NRXN1: variants seen among roughly 807,000 people sequenced by gnomAD.
The protein encoded by NRXN1 is neurexin-1.
In NRXN1, 39 loss-of-function variants were observed where a neutral mutation model predicts 150.9. That is an observed-to-expected ratio of 0.26 (90% CI 0.20 to 0.34). The LOEUF (loss-of-function observed/expected upper bound fraction) is 0.34. NRXN1 is among the 10% of genes least tolerant of loss of function. The pLI is 1.00. For synonymous variants in NRXN1, 924 were observed against 757.0 expected (o/e 1.22, Z -3.62); for missense variants, 1,815 against 1,949.9 (o/e 0.93, Z 1.30).
intron 17 of NRXN1, among the ~76,000 whole-genome samples, chr2:50,428,620 C>T (rs911895102): frequency 1.6e-4 from 25 of 152,050 alleles, no homozygotes; most frequent in African/African-American, 5.6e-4. Context: ...AGAGGCGGGA[C>T]GGGGAAGTGG....
At chr2:50,713,082 G>A (rs1695393873) in intron 5 of NRXN1, among the ~76,000 whole-genome samples, 1 of 152,066 alleles carries the variant, frequency 6.6e-6, no homozygotes, top group Non-Finnish European at 1.5e-5. Flanking sequence ...AAAGGCCAAG[G>A]CAGGAAGATC....
intron 17 of NRXN1, among the ~76,000 whole-genome samples, chr2:50,423,859 G>C (rs894439191): frequency 4.1e-4 from 62 of 152,246 alleles, no homozygotes; most frequent in Middle Eastern, 3.4e-3. Flanking sequence ...AAATATGAGA[G>C]GGAGCCAGCC....
At chr2:50,802,469 G>A (rs1269227677) in intron 5 of NRXN1, among the ~76,000 whole-genome samples, 1 of 144,324 alleles carries the variant, frequency 6.9e-6, no homozygotes, top group Non-Finnish European at 1.5e-5. Context: ...TCCAGCCTGG[G>A]CAACAAGAGT....
chr2:50,566,638 T>G (rs1669915176), intron 8 of NRXN1, among the ~76,000 whole-genome samples: 1 of 152,118 alleles, frequency 6.6e-6, no homozygotes, highest in Non-Finnish European at 1.5e-5. Flanking sequence ...AACAACAAAC[T>G]TCTACGTCTC....
chr2:50,240,158 T>C (rs1169709380), intron 17 of NRXN1, among the ~76,000 whole-genome samples: 1 of 151,700 alleles, frequency 6.6e-6, no homozygotes, highest in East Asian at 1.9e-4. Flanking sequence ...AGCTAATCTG[T>C]CTTGTTTAGA....
chr2:50,361,334 T>C (rs2079171201), intron 17 of NRXN1, among the ~76,000 whole-genome samples: 1 of 152,012 alleles, frequency 6.6e-6, no homozygotes, highest in Non-Finnish European at 1.5e-5. Flanking sequence ...AGGTGTTTTT[T>C]GAAAAGATCA....
At chr2:50,002,294 G>C (rs1175760983) in intron 21 of NRXN1, among the ~76,000 whole-genome samples, 1 of 152,102 alleles carries the variant, frequency 6.6e-6, no homozygotes, top group African/African-American at 2.4e-5. Flanking sequence ...AGAAAAGAAA[G>C]GGAGGAAACG....
chr2:50,166,721 G>T (rs1335743392), intron 18 of NRXN1, among the ~76,000 whole-genome samples: 1 of 152,110 alleles, frequency 6.6e-6, no homozygotes, highest in Non-Finnish European at 1.5e-5. Context: ...TTGATTGAAT[G>T]TTCATGAAGC....
intron 17 of NRXN1, among the ~76,000 whole-genome samples, chr2:50,378,691 A>G (rs1448663138): frequency 6.6e-6 from 1 of 152,168 alleles, no homozygotes; most frequent in Non-Finnish European, 1.5e-5. Flanking sequence ...GGAGAAATAT[A>G]CAGCAATAAA....
chr2:49,944,896 TGAGCACCTAATATTAAAG>T (rs769389559), intron 21 of NRXN1, among the ~76,000 whole-genome samples: 9 of 152,160 alleles, frequency 5.9e-5, no homozygotes, highest in South Asian at 2.1e-4. Context: ...AAATACGATA[TGAGCACCTAATATTAAAG>T]GAGCACCTAA....
At chr2:50,451,084 A>G (rs1038470080) in intron 17 of NRXN1, among the ~76,000 whole-genome samples, 13 of 152,140 alleles carry the variant, frequency 8.5e-5, no homozygotes. Flanking sequence ...CTTCTACTTC[A>G]GCCTCCTAGG....
chr2:50,209,829 A>T (rs987430580), intron 18 of NRXN1, among the ~76,000 whole-genome samples: 4 of 152,016 alleles, frequency 2.6e-5, no homozygotes, highest in African/African-American at 9.7e-5. Flanking sequence ...AATGTCATAG[A>T]TTTAAATCTC....
At chr2:50,985,283 A>G (rs999607897) in intron 2 of NRXN1, 1 of 151,988 alleles carries the variant, frequency 6.6e-6, no homozygotes, top group Non-Finnish European at 1.5e-5. Flanking sequence ...ATACATTTAA[A>G]AAGGATCACC....
At chr2:50,842,511 A>G (rs1267149192) in intron 5 of NRXN1, among the ~76,000 whole-genome samples, 6 of 152,188 alleles carry the variant, frequency 3.9e-5, no homozygotes, top group Non-Finnish European at 8.8e-5. Context: ...AGTCAAAATT[A>G]TATAATAAAG....
intron 5 of NRXN1, among the ~76,000 whole-genome samples, chr2:50,659,449 C>CT (rs138371770): frequency 0.027 from 3,967 of 147,882 alleles, 173 homozygotes; most frequent in African/African-American, 0.09. Context: ...TTCAATATCA[C>CT]TTTTTTTTTT....
At chr2:49,983,562 C>G (rs1379035957) in intron 21 of NRXN1, among the ~76,000 whole-genome samples, 1 of 152,022 alleles carries the variant, frequency 6.6e-6, no homozygotes, top group Non-Finnish European at 1.5e-5. Flanking sequence ...TAGCACAATT[C>G]TATGATATGC....
At chr2:50,572,956 C>A (rs1293136325) in intron 8 of NRXN1, among the ~76,000 whole-genome samples, 1 of 152,170 alleles carries the variant, frequency 6.6e-6, no homozygotes, top group African/African-American at 2.4e-5. Context: ...AGGATAACAA[C>A]TGCCTCATTT....
chr2:51,009,820 G>A (rs1292794087), intron 2 of NRXN1, among the ~76,000 whole-genome samples: 1 of 151,928 alleles, frequency 6.6e-6, no homozygotes, highest in East Asian at 2.0e-4. Context: ...AAATCACTCT[G>A]CTGAGGAGAA....
chr2:50,449,348 T>C (rs988503447), intron 17 of NRXN1, among the ~76,000 whole-genome samples: 7 of 152,222 alleles, frequency 4.6e-5, no homozygotes, highest in Non-Finnish European at 1.0e-4. Context: ...AAAGACGACA[T>C]TATTTCTTTC....
Sources: gnomAD v4.1 joint callset for allele counts (sites outside exome capture counted in the v4.1 genomes callset) on GRCh38, gnomAD v4.1.1 for gene constraint, MANE v1.5 for transcripts, NCBI Gene and HGNC (gene_info 2026-07-23, HGNC 2026-07-21) for gene names.